The following SRPK2 variants were observed in gnomAD, a reference collection of about 807,000 sequenced individuals.
The protein encoded by SRPK2 is SRSF protein kinase 2, also known as SFRS protein kinase 2.
A neutral mutation model predicts 90.8 loss-of-function variants in SRPK2; 21 were observed. That is an observed-to-expected ratio of 0.23 (90% CI 0.16 to 0.33). SRPK2 has a LOEUF of 0.33. Ranked by LOEUF, SRPK2 falls within the 10% of genes least tolerant of loss-of-function variation. The pLI, the probability that SRPK2 is intolerant of heterozygous loss-of-function variation, is 1.00. For missense variants in SRPK2, 620 were observed against 869.0 expected, an observed-to-expected ratio of 0.71 and a Z score of 3.60; for synonymous variants, 288 against 311.1, an observed-to-expected ratio of 0.93 and a Z score of 0.78.
chr7:105,315,863 TGA>T (rs1393874700), intron 2 of SRPK2, among the ~76,000 whole-genome samples: 12 of 152,308 alleles, frequency 7.9e-5, no homozygotes, highest in Admixed American at 2.0e-4. Context: ...TTGTTAATTC[TGA>T]GATTCTATGA....
intron 2 of SRPK2, among the ~76,000 whole-genome samples, chr7:105,265,428 C>G (rs1349013121): frequency 1.3e-5 from 2 of 152,226 alleles, no homozygotes; most frequent in East Asian, 1.9e-4. Flanking sequence ...ACTTGAGCAT[C>G]TGTGGATTTT....
chr7:105,301,420 G>A (rs1810540098), intron 2 of SRPK2: 2 of 674,088 alleles, frequency 3.0e-6, no homozygotes, highest in Non-Finnish European at 5.2e-6. Context: ...CCACAACCAA[G>A]GCGCCAAAGG....
chr7:105,118,669 G>A (rs1366772884), intron 15 of SRPK2, among the ~76,000 whole-genome samples: 2 of 152,184 alleles, frequency 1.3e-5, no homozygotes, highest in Non-Finnish European at 2.9e-5. Context: ...TGCAATCCTA[G>A]CCGTTTGGGA....
intron 13 of SRPK2, among the ~76,000 whole-genome samples, chr7:105,131,478 CTTTAATAA>C (rs1208401243): frequency 6.6e-6 from 1 of 152,110 alleles, no homozygotes; most frequent in African/African-American, 2.4e-5. Flanking sequence ...ACTTTAATAC[CTTTAATAA>C]TTTAAACGTT....
At chr7:105,197,474 C>T (rs1035795132) in intron 3 of SRPK2, among the ~76,000 whole-genome samples, 4 of 152,284 alleles carry the variant, frequency 2.6e-5, no homozygotes, top group Middle Eastern at 3.4e-3. Context: ...CTGCTCATGC[C>T]GACATGCCTT....
intron 2 of SRPK2, among the ~76,000 whole-genome samples, chr7:105,270,305 A>C (rs1051691789): frequency 3.3e-5 from 5 of 152,096 alleles, no homozygotes; most frequent in African/African-American, 1.2e-4. Flanking sequence ...GATCAGGCAC[A>C]TGGCGCCACA....
At chr7:105,259,067 T>C (rs1803803925) in intron 2 of SRPK2, among the ~76,000 whole-genome samples, 2 of 152,252 alleles carry the variant, frequency 1.3e-5, no homozygotes, top group South Asian at 2.1e-4. Context: ...AAATAAAGGG[T>C]ATTCAATTAG....
At chr7:105,226,867 CG>C (rs1359676407) in intron 2 of SRPK2, among the ~76,000 whole-genome samples, 1 of 151,280 alleles carries the variant, frequency 6.6e-6, no homozygotes, top group Non-Finnish European at 1.5e-5. Flanking sequence ...GCTTGAACCT[CG>C]GAGGCAGAGG....
chr7:105,344,178 A>G (rs1454325290), intron 2 of SRPK2, among the ~76,000 whole-genome samples: 3 of 152,168 alleles, frequency 2.0e-5, no homozygotes, highest in Non-Finnish European at 4.4e-5. Context: ...TGTAAGCAAT[A>G]TGGTCTCTCT....
intron 2 of SRPK2, among the ~76,000 whole-genome samples, chr7:105,324,460 C>T (rs1435059512): frequency 6.6e-6 from 1 of 152,102 alleles, no homozygotes; most frequent in Non-Finnish European, 1.5e-5. Context: ...GGATTACAGG[C>T]GTGAGCCACC....
chr7:105,201,728 C>A (rs1366449315), intron 3 of SRPK2, among the ~76,000 whole-genome samples: 2 of 151,870 alleles, frequency 1.3e-5, no homozygotes, highest in African/African-American at 4.8e-5. Context: ...ACTGCTCAAG[C>A]CCAAGACTCA....
At chr7:105,150,277 G>C (rs1339096913) in intron 7 of SRPK2, among the ~76,000 whole-genome samples, 1 of 152,208 alleles carries the variant, frequency 6.6e-6, no homozygotes, top group Admixed American at 6.5e-5. Context: ...CCAGCCCTTC[G>C]GGAAGCCGAG....
chr7:105,383,134 G>A (rs1172057592), intron 2 of SRPK2, among the ~76,000 whole-genome samples: 7 of 127,016 alleles, frequency 5.5e-5, no homozygotes, highest in Admixed American at 4.1e-4. Flanking sequence ...GCACAATCTC[G>A]GTTCACTGCA....
chr7:105,221,461 C>T (rs1035449864), intron 2 of SRPK2, among the ~76,000 whole-genome samples: 1 of 152,166 alleles, frequency 6.6e-6, no homozygotes, highest in East Asian at 1.9e-4. Context: ...ATCTACACTG[C>T]CTGATGATCT....
chr7:105,285,114 T>C (rs2130891363), intron 2 of SRPK2, among the ~76,000 whole-genome samples: 1 of 152,176 alleles, frequency 6.6e-6, no homozygotes, highest in East Asian at 1.9e-4. Flanking sequence ...GGCCAGGTGC[T>C]GTGGCTCCAG....
At chr7:105,353,679 T>C (rs1443090042) in intron 2 of SRPK2, among the ~76,000 whole-genome samples, 3 of 152,166 alleles carry the variant, frequency 2.0e-5, no homozygotes, top group Non-Finnish European at 4.4e-5. Context: ...CCCATGTTCC[T>C]GAATGCCCCA....
chr7:105,161,207 G>A (rs953587358), intron 6 of SRPK2, among the ~76,000 whole-genome samples: 3 of 152,150 alleles, frequency 2.0e-5, no homozygotes, highest in Admixed American at 6.6e-5. Flanking sequence ...TTACAGGCAT[G>A]AGCCACCGTG....
intron 2 of SRPK2, among the ~76,000 whole-genome samples, chr7:105,213,798 A>G (rs1273596109): frequency 6.6e-6 from 1 of 152,200 alleles, no homozygotes; most frequent in Non-Finnish European, 1.5e-5. Context: ...TATATTGGTG[A>G]AAGTTGCTAT....
intron 2 of SRPK2, among the ~76,000 whole-genome samples, chr7:105,363,979 G>GTTTA (rs2132306793): frequency 1.4e-5 from 2 of 146,786 alleles, no homozygotes; most frequent in South Asian, 4.3e-4. Flanking sequence ...GTGGGAGCCG[G>GTTTA]ACAATGAGAA....
Sources: gnomAD v4.1 joint callset for allele counts (sites outside exome capture counted in the v4.1 genomes callset) on GRCh38, gnomAD v4.1.1 for gene constraint, MANE v1.5 for transcripts, NCBI Gene and HGNC (gene_info 2026-07-23, HGNC 2026-07-21) for gene names.